The following DNAI4 variants were observed in gnomAD, a reference collection of about 807,000 sequenced individuals.
The protein encoded by DNAI4 is dynein axonemal intermediate chain 4.
Under a neutral mutation model 105.8 loss-of-function variants are expected in DNAI4, and 85 were observed. The ratio of observed to expected loss-of-function variants is 0.80; its 90% CI spans 0.67 to 0.96. DNAI4 has a LOEUF of 0.96. DNAI4 is among the 40% of genes least tolerant of loss of function. DNAI4 has a pLI of 0.00. For missense variants in DNAI4, 1,014 were observed against 1,005.6 expected (o/e 1.01, Z -0.11); for synonymous variants, 352 against 331.5 (o/e 1.06, Z -0.67).
At chr1:66,893,061 GAGAGAAAGAA>G (rs1190821421) in intron 3 of DNAI4, among the ~76,000 whole-genome samples, 158 bp downstream of exon 3, 20 of 93,626 alleles carry the variant, frequency 2.1e-4, no homozygotes, top group South Asian at 1.2e-3. Flanking sequence ...GAAAGAGAGA[GAGAGAAAGAA>G]AGAAAGAAAG....
intron 10 of DNAI4, among the ~76,000 whole-genome samples, chr1:66,836,139 G>GA (rs1267089138): frequency 1.4e-5 from 1 of 71,322 alleles, no homozygotes; most frequent in South Asian, 4.6e-4. Context: ...AAGAAAGAAA[G>GA]AAAAGAAAGA....
chr1:66,873,277 G>T (rs1477904514), intron 5 of DNAI4, among the ~76,000 whole-genome samples: 1 of 145,068 alleles, frequency 6.9e-6, no homozygotes. Flanking sequence ...GGTCTCTCTC[G>T]GTTGACCAGG....
At chr1:66,851,695 A>T (rs1459754844) in intron 7 of DNAI4, among the ~76,000 whole-genome samples, 1 of 152,010 alleles carries the variant, frequency 6.6e-6, no homozygotes, top group African/African-American at 2.4e-5. Flanking sequence ...TCTGTGTCAA[A>T]GAGGAAGTCT....
chr1:66,845,011 C>T (rs867393086), intron 8 of DNAI4, among the ~76,000 whole-genome samples: 56 of 151,734 alleles, frequency 3.7e-4, no homozygotes, highest in African/African-American at 1.2e-3. Flanking sequence ...CTGACCAACA[C>T]GGTGAAACCC....
chr1:66,846,816 C>G (rs1232924317), intron 8 of DNAI4, among the ~76,000 whole-genome samples: 1 of 152,130 alleles, frequency 6.6e-6, no homozygotes, highest in Admixed American at 6.5e-5. Flanking sequence ...GTTTCTATAG[C>G]CTTCAGTTTC....
chr1:66,913,445 A>C (rs1399282348), intron 1 of DNAI4, among the ~76,000 whole-genome samples: 3 of 152,172 alleles, frequency 2.0e-5, no homozygotes. Context: ...TCATATGTTA[A>C]TGAGAGACTG....
intron 6 of DNAI4, among the ~76,000 whole-genome samples, chr1:66,863,740 G>A (rs535981147): frequency 6.6e-6 from 1 of 152,268 alleles, no homozygotes; most frequent in African/African-American, 2.4e-5. Flanking sequence ...TTACAGGTGT[G>A]AGCCACCATG....
chr1:66,875,036 C>A, intron 4 of DNAI4, 99 bp from the exon 5 acceptor site: 3 of 1,162,424 alleles, frequency 2.6e-6, no homozygotes, highest in Non-Finnish European at 3.6e-6. Flanking sequence ...TAATATATTG[C>A]AGGTGGTTTA....
At chr1:66,841,399 G>C (rs893985910) in intron 8 of DNAI4, among the ~76,000 whole-genome samples, 5 of 152,296 alleles carry the variant, frequency 3.3e-5, no homozygotes, top group Admixed American at 2.6e-4. Flanking sequence ...CTATGCACCA[G>C]GTACAAGAGA....
chr1:66,905,149 G>A (rs758465400), intron 2 of DNAI4, 52 bp downstream of exon 2: 3 of 1,299,264 alleles, frequency 2.3e-6, no homozygotes, highest in East Asian at 5.1e-5. Flanking sequence ...CATTTCAATT[G>A]AGTTTTTCAC....
intron 2 of DNAI4, among the ~76,000 whole-genome samples, chr1:66,897,597 G>C (rs1197840973): frequency 6.6e-6 from 1 of 152,046 alleles, no homozygotes; most frequent in East Asian, 1.9e-4. Flanking sequence ...ACAGACCCTG[G>C]GTGCCCTTCA....
intron 4 of DNAI4, among the ~76,000 whole-genome samples, chr1:66,887,247 A>C (rs1225517248): frequency 6.6e-6 from 1 of 152,184 alleles, no homozygotes; most frequent in East Asian, 1.9e-4. Context: ...GTTTATGGTA[A>C]GTAACTCTTG....
At chr1:66,914,255 C>CT (rs1347753237) in intron 1 of DNAI4, among the ~76,000 whole-genome samples, 2 of 152,186 alleles carry the variant, frequency 1.3e-5, no homozygotes, top group East Asian at 3.9e-4. Flanking sequence ...ATAATATGGT[C>CT]TTTGTGCACA....
chr1:66,836,714 G>A (rs1646033709), intron 10 of DNAI4, among the ~76,000 whole-genome samples: 2 of 152,118 alleles, frequency 1.3e-5, no homozygotes, highest in Admixed American at 1.3e-4. Flanking sequence ...CTTTTCTTTT[G>A]TGCTATATAA....
At chr1:66,815,093 T>G (rs931496313) in intron 16 of DNAI4, among the ~76,000 whole-genome samples, 1 of 152,188 alleles carries the variant, frequency 6.6e-6, no homozygotes, top group African/African-American at 2.4e-5. Context: ...TCAGTTCCTA[T>G]TTTTTAGCCT....
chr1:66,846,291 G>A (rs1228008869), intron 8 of DNAI4, among the ~76,000 whole-genome samples: 2 of 152,038 alleles, frequency 1.3e-5, no homozygotes, highest in African/African-American at 4.8e-5. Context: ...GATGCATGCA[G>A]GCAAAAAGAT....
At chr1:66,858,356 C>T (rs372441798) in intron 7 of DNAI4, among the ~76,000 whole-genome samples, 1 of 151,052 alleles carries the variant, frequency 6.6e-6, no homozygotes, top group African/African-American at 2.4e-5. Context: ...AGTGAAACCC[C>T]GTCTCTACTA....
chr1:66,884,763 A>AC (rs745721053), intron 4 of DNAI4, among the ~76,000 whole-genome samples: 6 of 152,084 alleles, frequency 3.9e-5, no homozygotes, highest in Non-Finnish European at 7.4e-5. Context: ...CCCCCTTCAG[A>AC]CCCCAACTGC....
chr1:66,827,106 G>T, intron 14 of DNAI4, 60 bp from the exon 15 acceptor site: 2 of 1,399,730 alleles, frequency 1.4e-6, no homozygotes, highest in South Asian at 2.7e-5. Context: ...TTTTAAACTT[G>T]ACCAGCAAAT....
Sources: gnomAD v4.1 joint callset for allele counts (sites outside exome capture counted in the v4.1 genomes callset) on GRCh38, gnomAD v4.1.1 for gene constraint, MANE v1.5 for transcripts, NCBI Gene and HGNC (gene_info 2026-07-23, HGNC 2026-07-21) for gene names.